The following EYA2 variants were observed in gnomAD, a reference collection of about 807,000 sequenced individuals.
EYA2 encodes the protein EYA transcriptional coactivator and phosphatase 2.
In EYA2, 31 loss-of-function variants were observed where a neutral mutation model predicts 69.2. The ratio of observed to expected loss-of-function variants is 0.45; its 90% confidence interval spans 0.34 to 0.60. EYA2 has a LOEUF of 0.60. Ranked by LOEUF, EYA2 falls within the 20% of genes least tolerant of loss-of-function variation. The pLI is 0.02. For synonymous variants in EYA2, 257 were observed against 279.4 expected, an observed-to-expected ratio of 0.92 and a Z score of 0.80; for missense variants, 622 against 701.2, an observed-to-expected ratio of 0.89 and a Z score of 1.28.
chr20:47,130,985 G>T (rs1015961533), intron 9 of EYA2, among the ~76,000 whole-genome samples: 2 of 151,974 alleles, frequency 1.3e-5, no homozygotes, highest in African/African-American at 4.8e-5. Context: ...GCTACTCAGG[G>T]GGCTGAGGCA....
At chr20:47,136,425 T>C (rs2033474802) in intron 9 of EYA2, among the ~76,000 whole-genome samples, 1 of 152,158 alleles carries the variant, frequency 6.6e-6, no homozygotes, top group Non-Finnish European at 1.5e-5. Context: ...GAGGCAGATC[T>C]TTGGGCCGCC....
chr20:46,931,629 C>G (rs1398153156), intron 1 of EYA2, among the ~76,000 whole-genome samples: 1 of 152,184 alleles, frequency 6.6e-6, no homozygotes, highest in Non-Finnish European at 1.5e-5. Flanking sequence ...TTCTTACGAG[C>G]AAGTTTTTAA....
intron 5 of EYA2, among the ~76,000 whole-genome samples, chr20:47,066,027 G>T (rs111991672): frequency 0.079 from 12,078 of 152,220 alleles, 674 homozygotes; most frequent in Non-Finnish European, 0.11. Flanking sequence ...ATTAATGATT[G>T]AATGAATATC....
At chr20:47,010,697 A>G (rs71351652) in intron 4 of EYA2, among the ~76,000 whole-genome samples, 1 of 150,832 alleles carries the variant, frequency 6.6e-6, no homozygotes, top group Non-Finnish European at 1.5e-5. Flanking sequence ...GTGTATGTGT[A>G]CAAATATAAA....
intron 1 of EYA2, among the ~76,000 whole-genome samples, chr20:46,981,488 T>G (rs1430754070): frequency 2.0e-5 from 3 of 152,240 alleles, no homozygotes; most frequent in African/African-American, 7.2e-5. Context: ...TTATTAGTGC[T>G]GTTCATTTAT....
chr20:47,135,477 A>AATTATT (rs113627247), intron 9 of EYA2, among the ~76,000 whole-genome samples: 128 of 150,846 alleles, frequency 8.5e-4, no homozygotes, highest in African/African-American at 3.1e-3. Context: ...CATTATTATT[A>AATTATT]ATTATTATTA....
chr20:47,057,127 A>G (rs1568750399), intron 5 of EYA2, among the ~76,000 whole-genome samples: 1 of 118,668 alleles, frequency 8.4e-6, no homozygotes, highest in African/African-American at 3.3e-5. Flanking sequence ...AAGGAAGAAG[A>G]CAGGAAGGAG....
At chr20:47,004,286 TC>T (rs1480492154) in intron 3 of EYA2, among the ~76,000 whole-genome samples, 1 of 152,174 alleles carries the variant, frequency 6.6e-6, no homozygotes, top group African/African-American at 2.4e-5. Context: ...GGATTTAAAT[TC>T]CCAGGGCAGA....
chr20:47,113,342 GTT>G (rs2032803920), intron 9 of EYA2, among the ~76,000 whole-genome samples: 1 of 152,158 alleles, frequency 6.6e-6, no homozygotes, highest in African/African-American at 2.4e-5. Flanking sequence ...TACAGCTGCT[GTT>G]TCATCCTTGA....
chr20:47,142,784 A>C (rs576017141), intron 9 of EYA2, among the ~76,000 whole-genome samples: 1 of 152,340 alleles, frequency 6.6e-6, no homozygotes, highest in East Asian at 1.9e-4. Context: ...TGTCCTTGCA[A>C]CGCTGAACAC....
intron 1 of EYA2, among the ~76,000 whole-genome samples, chr20:46,955,170 C>A (rs1979045648): frequency 6.9e-6 from 1 of 144,342 alleles, no homozygotes. Context: ...GAGTTTCACT[C>A]TTGTTGCCCA....
At chr20:46,932,576 T>C (rs1985717853) in intron 1 of EYA2, among the ~76,000 whole-genome samples, 1 of 152,164 alleles carries the variant, frequency 6.6e-6, no homozygotes, top group African/African-American at 2.4e-5. Flanking sequence ...TCATGAGAGC[T>C]GATGCTGTTA....
intron 8 of EYA2, among the ~76,000 whole-genome samples, chr20:47,094,216 T>C (rs892654116): frequency 6.6e-6 from 1 of 152,188 alleles, no homozygotes; most frequent in African/African-American, 2.4e-5. Context: ...AATTTGAAAA[T>C]ATTTGCTGAT....
At chr20:47,113,028 C>T (rs2032792746) in intron 9 of EYA2, among the ~76,000 whole-genome samples, 2 of 151,818 alleles carry the variant, frequency 1.3e-5, no homozygotes, top group Non-Finnish European at 2.9e-5. Flanking sequence ...TGCACCACCA[C>T]GCCCGGCTAA....
intron 1 of EYA2, among the ~76,000 whole-genome samples, chr20:46,908,823 C>G (rs918356821): frequency 6.7e-6 from 1 of 148,936 alleles, no homozygotes; most frequent in Admixed American, 6.8e-5. Flanking sequence ...CGACACAGAC[C>G]CTGGGAATCA....
At chr20:46,954,576 A>C (rs888342921) in intron 1 of EYA2, among the ~76,000 whole-genome samples, 1 of 152,140 alleles carries the variant, frequency 6.6e-6, no homozygotes, top group Non-Finnish European at 1.5e-5. Context: ...TTTTTATGCC[A>C]CCTCTCTCCA....
At chr20:47,041,590 T>C (rs1985071594) in intron 5 of EYA2, among the ~76,000 whole-genome samples, 1 of 152,214 alleles carries the variant, frequency 6.6e-6, no homozygotes, top group Non-Finnish European at 1.5e-5. Context: ...AGTGCCAGGT[T>C]CTGAATTCTG....
In EYA2 at chr20:47,005,040, C is replaced by T. The variant is rs1568718555; in HGVS notation, c.254C>T (p.Thr85Ile). The T allele has an allele frequency of 1.9e-6, 3 of 1,613,950 alleles. No individual in the cohort carries two copies. Among genetic ancestry groups the T allele is most frequent in the Non-Finnish European group, 1.7e-6 (2 of 1,179,922 alleles). ...SAGIQQATPY[T>I]AYPPPAQAYG... ...GGGATCCAGCAGGCTACCCCCTATACAGCTTACCCACCTCCAGCACAAGCC... is the reference window on the plus strand; with the variant it reads ...GGGATCCAGCAGGCTACCCCCTATATAGCTTACCCACCTCCAGCACAAGCC... Residue 85 changes from threonine to isoleucine, a missense_variant, in exon 4 of 16, where the codon ACA becomes ATA. By Grantham distance (89) the Thr-to-Ile change is moderately conservative. Coordinates refer to ENST00000327619, the MANE Select transcript of EYA2 (RefSeq NM_005244.5).
intron 9 of EYA2, among the ~76,000 whole-genome samples, chr20:47,137,496 G>A (rs899944191): frequency 3.9e-5 from 6 of 152,198 alleles, no homozygotes; most frequent in East Asian, 1.9e-4. Flanking sequence ...TCAGTGGCCC[G>A]AAAGAGCATG....
Sources: allele counts gnomAD v4.1 joint callset (sites outside exome capture counted in the v4.1 genomes callset), GRCh38; gene constraint gnomAD v4.1.1; transcripts MANE v1.5; gene names NCBI Gene and HGNC (gene_info 2026-07-23, HGNC 2026-07-21).